Variants in TMTC1 observed in about 807,000 individuals in gnomAD.
TMTC1 encodes protein O-mannosyl-transferase TMTC1.
A neutral mutation model predicts 104.8 loss-of-function variants in TMTC1; 73 were observed. The ratio of observed to expected loss-of-function variants is 0.70; its 90% CI spans 0.58 to 0.85. The LOEUF is 0.85. Ranked by LOEUF, TMTC1 falls within the 40% of genes least tolerant of loss-of-function variation. The pLI, the probability that TMTC1 is intolerant of heterozygous loss-of-function variation, is 0.00. For synonymous variants in TMTC1, 434 were observed against 428.7 expected (o/e 1.01, Z -0.15); for missense variants, 1,035 against 1,096.1 (o/e 0.94, Z 0.79).
At chr12:29,659,146 C>T (rs866703441) in intron 5 of TMTC1, among the ~76,000 whole-genome samples, 1 of 152,236 alleles carries the variant, frequency 6.6e-6, no homozygotes, top group African/African-American at 2.4e-5. Context: ...GATATCCAGT[C>T]AACCTCTGCA....
At chr12:29,722,183 C>G (rs1236549246) in intron 5 of TMTC1, among the ~76,000 whole-genome samples, 1 of 152,094 alleles carries the variant, frequency 6.6e-6, no homozygotes, top group Non-Finnish European at 1.5e-5. Context: ...CTTCAGGGTC[C>G]CTAGATGATA....
chr12:29,555,284 C>T (rs1945210585), intron 10 of TMTC1, among the ~76,000 whole-genome samples: 2 of 151,500 alleles, frequency 1.3e-5, no homozygotes, highest in Admixed American at 6.6e-5. Flanking sequence ...ATTACAGGCA[C>T]AAGTCACCAG....
At chr12:29,626,015 T>G (rs558490649) in intron 6 of TMTC1, among the ~76,000 whole-genome samples, 15 of 152,342 alleles carry the variant, frequency 9.8e-5, no homozygotes, top group African/African-American at 3.6e-4. Flanking sequence ...TTTAGATATA[T>G]GTCTTACAAG....
intron 5 of TMTC1, among the ~76,000 whole-genome samples, chr12:29,736,520 A>C (rs1218020117): frequency 6.6e-6 from 1 of 152,012 alleles, no homozygotes; most frequent in Non-Finnish European, 1.5e-5. Flanking sequence ...CCCAGGTTCA[A>C]GTGATTCTCC....
intron 16 of TMTC1, among the ~76,000 whole-genome samples, chr12:29,513,047 A>C (rs1308347904): frequency 6.6e-6 from 1 of 152,184 alleles, no homozygotes; most frequent in African/African-American, 2.4e-5. Context: ...AAGCTGCTAA[A>C]ATAAACCAAA....
chr12:29,570,538 C>T (rs1199954479), intron 9 of TMTC1, among the ~76,000 whole-genome samples: 8 of 152,226 alleles, frequency 5.3e-5, no homozygotes, highest in South Asian at 4.1e-4. Flanking sequence ...TTGATATCTA[C>T]GGTTTAAAAC....
intron 4 of TMTC1, among the ~76,000 whole-genome samples, chr12:29,755,501 C>T (rs1182595104): frequency 6.6e-6 from 1 of 152,190 alleles, no homozygotes; most frequent in Non-Finnish European, 1.5e-5. Context: ...CTTCATAGTC[C>T]TCACTGATTT....
At chr12:29,712,691 T>C (rs1437729180) in intron 5 of TMTC1, among the ~76,000 whole-genome samples, 3 of 152,238 alleles carry the variant, frequency 2.0e-5, no homozygotes, top group South Asian at 2.1e-4. Flanking sequence ...TATGTTATTC[T>C]AGTTGAAGTA....
chr12:29,549,144 A>T (rs1197614088), intron 10 of TMTC1, among the ~76,000 whole-genome samples: 1 of 150,902 alleles, frequency 6.6e-6, no homozygotes, highest in Non-Finnish European at 1.5e-5. Context: ...ACCTGTAAAC[A>T]AACAAGTATC....
chr12:29,576,354 T>C (rs969202803), intron 8 of TMTC1, among the ~76,000 whole-genome samples: 2 of 152,124 alleles, frequency 1.3e-5, no homozygotes, highest in East Asian at 3.9e-4. Context: ...TTTCCCCTTA[T>C]TCACAATAGC....
chr12:29,700,784 G>T (rs1318221150), intron 5 of TMTC1, among the ~76,000 whole-genome samples: 1 of 152,080 alleles, frequency 6.6e-6, no homozygotes, highest in East Asian at 1.9e-4. Flanking sequence ...GTCCTCACTT[G>T]AAAAATGGGA....
At chr12:29,557,167 G>T (rs922551314) in intron 9 of TMTC1, among the ~76,000 whole-genome samples, 167 bp from the exon 10 acceptor site, 4 of 152,208 alleles carry the variant, frequency 2.6e-5, no homozygotes, top group Admixed American at 1.3e-4. Flanking sequence ...TTTTGCAGCT[G>T]AAAGTATATA....
intron 5 of TMTC1, among the ~76,000 whole-genome samples, chr12:29,701,672 G>T (rs1941598183): frequency 6.6e-6 from 1 of 152,096 alleles, no homozygotes; most frequent in Admixed American, 6.5e-5. Context: ...ACTTTAAAAA[G>T]AAATAGCTTA....
In TMTC1 at chr12:29,617,536, C is replaced by CAGAGAGAGAGAGAGAGAGAGAG. The variant is rs145115277; in HGVS notation, c.1129-13259_1129-13238dup. 7.3e-4 allele frequency among the ~76,000 whole-genome samples: 99 copies of CAGAGAGAGAGAGAGAGAGAGAG among 134,984 alleles called. 1 individual carries two copies. Among genetic ancestry groups the CAGAGAGAGAGAGAGAGAGAGAG allele is most frequent in the Admixed American group, 3.4e-3 (47 of 13,732 alleles). The allele number at this position is 134,984 out of a possible 152,430, so 88.6% of individuals were successfully genotyped here. ...AAACATCAGTAAGCAAAACAGACAA[C>CAGAGAGAGAGAGAGAGAGAGAG]AGAGAGAGAGAGAGAGAGAGAGAGA... On this transcript the variant is annotated intron_variant, in intron 6 of 17. Transcript: ENST00000539277.
At chr12:29,584,653 T>C (rs999714578) in intron 7 of TMTC1, among the ~76,000 whole-genome samples, 6 of 151,966 alleles carry the variant, frequency 3.9e-5, no homozygotes, top group African/African-American at 1.4e-4. Context: ...CATGTTGTCA[T>C]TGTTCAGTTC....
At chr12:29,532,688 C>T (rs938677538) in intron 11 of TMTC1, 3 of 151,962 alleles carry the variant, frequency 2.0e-5, no homozygotes, top group African/African-American at 7.2e-5. Flanking sequence ...TATTTGTTGT[C>T]TCCAGGTATT....
At chr12:29,509,995 T>G (rs973420767) in intron 17 of TMTC1, among the ~76,000 whole-genome samples, 2 of 152,224 alleles carry the variant, frequency 1.3e-5, no homozygotes, top group Non-Finnish European at 2.9e-5. Flanking sequence ...TTATTTTAGC[T>G]GCAGATATAC....
At chr12:29,775,328 G>A (rs1222049588) in intron 1 of TMTC1, among the ~76,000 whole-genome samples, 7 of 151,952 alleles carry the variant, frequency 4.6e-5, no homozygotes, top group South Asian at 2.1e-4. Flanking sequence ...GGGCAAAGTC[G>A]TCCACAAAAC....
At chr12:29,757,917 A>G (rs1226070111) in intron 3 of TMTC1, among the ~76,000 whole-genome samples, 1 of 152,154 alleles carries the variant, frequency 6.6e-6, no homozygotes, top group African/African-American at 2.4e-5. Flanking sequence ...CCATGATTCA[A>G]CTACCTCCCA....
Sources: gnomAD v4.1 joint callset for allele counts (sites outside exome capture counted in the v4.1 genomes callset) on GRCh38, gnomAD v4.1.1 for gene constraint, MANE v1.5 for transcripts, NCBI Gene and HGNC (gene_info 2026-07-23, HGNC 2026-07-21) for gene names.